The following POLA1 variants were observed in gnomAD, a reference collection of about 807,000 sequenced individuals.
POLA1 encodes DNA polymerase alpha catalytic subunit.
A neutral mutation model predicts 124.0 loss-of-function variants in POLA1; 15 were observed. The observed-to-expected ratio is 0.12, with a 90% confidence interval of 0.08 to 0.19. The LOEUF (loss-of-function observed/expected upper bound fraction) is 0.19, where lower values mean the gene tolerates loss of function less well. Among genes scored for constraint, POLA1 ranks in the 10% least tolerant of loss-of-function variants. The pLI, the probability that POLA1 is intolerant of heterozygous loss-of-function variation, is 1.00. For synonymous variants in POLA1, 408 were observed against 389.4 expected, an observed-to-expected ratio of 1.05 and a Z score of -0.56; for missense variants, 886 against 1,103.4, an observed-to-expected ratio of 0.80 and a Z score of 2.79.
chrX:24,893,403 T>A (rs192987379), intron 35 of POLA1, among the ~76,000 whole-genome samples: 302 of 112,293 alleles, frequency 2.7e-3, no homozygotes, highest in African/African-American at 9.3e-3. Flanking sequence ...TACTTTTTTT[T>A]AATTGGGGTA....
At chrX:24,934,991 G>A (rs866579877) in intron 36 of POLA1, among the ~76,000 whole-genome samples, 1 of 111,679 alleles carries the variant, frequency 9.0e-6, no homozygotes, top group East Asian at 2.8e-4. Flanking sequence ...AAAGTGCTGG[G>A]ATTACAGGCA....
chrX:24,922,109 T>C (rs1458658573), intron 35 of POLA1, among the ~76,000 whole-genome samples: 2 of 111,195 alleles, frequency 1.8e-5, no homozygotes, highest in African/African-American at 6.6e-5. Flanking sequence ...GATCTGTTTG[T>C]GTCACCCACA....
chrX:24,716,395 C>G lies in POLA1; in HGVS notation c.559C>G (p.Leu187Val). ...PQITPPPVMILKKKRSIGASP... is the reference protein window; with the variant it reads ...PQITPPPVMIVKKKRSIGASP... ...AATAACTCCACCACCTGTAATGATA[C>G]TGAAGAAGAAAAGATCCATTGGAGC... Residue 187 changes from leucine (L) to valine (V), a missense_variant, in exon 7 of 37, where the codon CTG (leucine) becomes GTG (valine). Transcript: ENST00000379068. 2 of 1,188,159 alleles carry G rather than the reference C, an allele frequency of 1.7e-6. No homozygotes were observed. The highest frequency in any genetic ancestry group is 2.3e-6 in the Non-Finnish European group (2 of 874,056).
chrX:24,906,328 A>T (rs1461947179), intron 35 of POLA1, among the ~76,000 whole-genome samples: 1 of 112,433 alleles, frequency 8.9e-6, no homozygotes, highest in Non-Finnish European at 1.9e-5. Flanking sequence ...TCAGCCATCA[A>T]ACGAAATGAA....
intron 35 of POLA1, among the ~76,000 whole-genome samples, chrX:24,907,704 A>G (rs2047388187): frequency 8.9e-6 from 1 of 112,171 alleles, no homozygotes; most frequent in Non-Finnish European, 1.9e-5. Context: ...CCAGCCGACC[A>G]GCTCTGAGAA....
intron 10 of POLA1, among the ~76,000 whole-genome samples, chrX:24,721,806 C>G (rs774152185): frequency 8.9e-6 from 1 of 112,146 alleles, no homozygotes; most frequent in East Asian, 2.8e-4. Flanking sequence ...ATTAGTTTGA[C>G]AGTAAAATGA....
chrX:24,808,125 C>T (rs1473297782), intron 26 of POLA1, among the ~76,000 whole-genome samples: 2 of 111,651 alleles, frequency 1.8e-5, no homozygotes, highest in African/African-American at 3.3e-5. Context: ...CCAGTAGAGA[C>T]GCGAGTTGGT....
At chrX:24,984,753 G>A (rs968630181) in intron 36 of POLA1, among the ~76,000 whole-genome samples, 26 of 103,146 alleles carry the variant, frequency 2.5e-4, no homozygotes, top group African/African-American at 9.0e-4. Context: ...TCCGCCTCCC[G>A]GGTTCACGCC....
intron 35 of POLA1, among the ~76,000 whole-genome samples, chrX:24,923,404 G>A (rs1464899129): frequency 9.0e-6 from 1 of 111,459 alleles, no homozygotes; most frequent in African/African-American, 3.3e-5. Context: ...GAGAGGGAAA[G>A]AGTGAAATGC....
chrX:24,850,685 C>T (rs910839074), intron 34 of POLA1, among the ~76,000 whole-genome samples: 7 of 111,548 alleles, frequency 6.3e-5, no homozygotes, highest in African/African-American at 2.3e-4. Flanking sequence ...GAGCCACTGA[C>T]GAGATCTGAG....
rs775611471 is a variant in POLA1 at position 24,814,829 on chromosome X, C to T, written c.3297-150C>T. 9.8e-4 allele frequency: 467 copies of T among 475,798 alleles called. 1 individual carries two copies. The African/African-American group carries it at 0.01, about 10-fold the overall frequency. The allele number at this position is 475,798 out of a possible 1,213,427, so 39.2% of individuals were successfully genotyped here. ...AAAAAACAAATAGTAACCGCCTTTT[C>T]GACATTAACCCTCATATTAGCTCTT... On this transcript the variant is annotated intron_variant, in intron 29 of 36. Coordinates refer to ENST00000379068, the MANE Select transcript of POLA1 (RefSeq NM_001330360.2).
chrX:24,725,146 C>T (rs1225704645), intron 12 of POLA1, among the ~76,000 whole-genome samples: 1 of 109,593 alleles, frequency 9.1e-6, no homozygotes, highest in African/African-American at 3.3e-5. Context: ...AAGTCCTAGC[C>T]CTATTACTTA....
At chrX:24,949,123 GAC>G (rs1365530727) in intron 36 of POLA1, among the ~76,000 whole-genome samples, 7 of 111,967 alleles carry the variant, frequency 6.3e-5, no homozygotes, top group Middle Eastern at 4.6e-3. Context: ...AGTGTCCTAA[GAC>G]ATGGGACCAC....
intron 26 of POLA1, among the ~76,000 whole-genome samples, chrX:24,755,039 G>A (rs1317554792): frequency 1.8e-5 from 2 of 112,399 alleles, no homozygotes; most frequent in Non-Finnish European, 3.8e-5. Flanking sequence ...CTTTGTGAGA[G>A]TTTCTCTGGT....
chrX:24,744,576 T>C, intron 23 of POLA1: 1 of 342,876 alleles, frequency 2.9e-6, no homozygotes, highest in South Asian at 2.7e-5. Context: ...CATTTATATA[T>C]ATGTGTCTCT....
intron 35 of POLA1, among the ~76,000 whole-genome samples, chrX:24,898,035 A>G (rs1208299963): frequency 8.9e-6 from 1 of 111,988 alleles, no homozygotes; most frequent in Non-Finnish European, 1.9e-5. Context: ...CCCCTGTCTG[A>G]TTGTGTTGTA....
intron 22 of POLA1, 135 bp downstream of exon 22, chrX:24,742,256 C>A: frequency 1.9e-6 from 1 of 534,295 alleles, no homozygotes; most frequent in Non-Finnish European, 2.8e-6. Context: ...GAAACCGTGT[C>A]AAGTTTATTC....
At chrX:24,918,555 A>G (rs967504057) in intron 35 of POLA1, among the ~76,000 whole-genome samples, 2 of 112,032 alleles carry the variant, frequency 1.8e-5, no homozygotes, top group Non-Finnish European at 3.8e-5. Flanking sequence ...TCATAATCCT[A>G]TGAGGTACTG....
At chrX:24,964,847 A>T (rs1370438792) in intron 36 of POLA1, among the ~76,000 whole-genome samples, 1 of 112,259 alleles carries the variant, frequency 8.9e-6, no homozygotes, top group Non-Finnish European at 1.9e-5. Flanking sequence ...CCTGATGCTA[A>T]TTCTGGGAGG....
Sources: gnomAD v4.1 joint callset for allele counts (sites outside exome capture counted in the v4.1 genomes callset) on GRCh38, gnomAD v4.1.1 for gene constraint, MANE v1.5 for transcripts, NCBI Gene and HGNC (gene_info 2026-07-23, HGNC 2026-07-21) for gene names.